TMEM144: variants seen among roughly 807,000 people sequenced by gnomAD.
TMEM144 encodes transmembrane protein 144.
Under a neutral mutation model 43.6 loss-of-function variants are expected in TMEM144, and 39 were observed. That is an observed-to-expected ratio of 0.90 (90% confidence interval 0.69 to 1.17). The LOEUF is 1.17. Among genes scored for constraint, TMEM144 ranks in the 50% most tolerant of loss-of-function variants. The pLI is 0.00. For missense variants in TMEM144, 417 were observed against 411.9 expected, an observed-to-expected ratio of 1.01 and a Z score of -0.11; for synonymous variants, 154 against 133.6, an observed-to-expected ratio of 1.15 and a Z score of -1.06.
intron 10 of TMEM144, 80 bp from the exon 11 acceptor site, chr4:158,241,429 T>G: frequency 9.6e-7 from 1 of 1,040,910 alleles, no homozygotes; most frequent in Non-Finnish European, 1.5e-6. Context: ...ATGTGCACTT[T>G]GATATTCCTG....
chr4:158,239,707 A>T (rs1293505830), intron 9 of TMEM144, among the ~76,000 whole-genome samples: 2 of 152,206 alleles, frequency 1.3e-5, no homozygotes, highest in African/African-American at 2.4e-5. Context: ...AGGTATTAAC[A>T]TCATAGTTAC....
In TMEM144 at chr4:158,253,484, T is replaced by A; in HGVS notation, c.995T>A (p.Ile332Asn). The change falls in exon 13 of 13, where the codon ATC (isoleucine) becomes AAC (asparagine). Residue 332 changes from isoleucine (I) to asparagine (N), a missense_variant. Physicochemically the swap from Ile to Asn is moderately radical, Grantham distance 149 (BLOSUM62 -3). Coordinates refer to ENST00000296529, the MANE Select transcript of TMEM144 (RefSeq NM_018342.5). ...CTATTAATGATACTTGCATTTTGCA[T>A]CATCTTGACTGGAGCCTTATGCACT... ...NYLLMILAFCIILTGALCTAF... is the reference protein window; with the variant it reads ...NYLLMILAFCNILTGALCTAF... The A allele has an allele frequency of 6.2e-7, 1 of 1,613,902 alleles. No individual in the cohort carries two copies.
At chr4:158,249,887 G>GGTGTATGTGTGTGTGTGTGTGT (rs1736097773) in intron 12 of TMEM144, among the ~76,000 whole-genome samples, 1 of 134,464 alleles carries the variant, frequency 7.4e-6, no homozygotes, top group Non-Finnish European at 1.6e-5. Context: ...CCTACTGCCA[G>GGTGTATGTGTGTGTGTGTGTGT]GTGTGTGTGT....
chr4:158,211,874 A>G (rs1733976250), intron 2 of TMEM144: 1 of 152,254 alleles, frequency 6.6e-6, no homozygotes, highest in African/African-American at 2.4e-5. Flanking sequence ...TGTATATTTA[A>G]TATTCTCTGC....
chr4:158,238,888 G>C (rs1219902594), intron 9 of TMEM144, among the ~76,000 whole-genome samples: 2 of 152,144 alleles, frequency 1.3e-5, no homozygotes, highest in African/African-American at 4.8e-5. Context: ...AACTCTGAAT[G>C]TAATGTGATG....
At chr4:158,217,057 T>A (rs1734257867) in intron 4 of TMEM144, among the ~76,000 whole-genome samples, 1 of 152,152 alleles carries the variant, frequency 6.6e-6, no homozygotes, top group Non-Finnish European at 1.5e-5. Context: ...AGAGCTATGC[T>A]AAGGGAGAGA....
chr4:158,241,453 T>C, intron 10 of TMEM144, 56 bp from the exon 11 acceptor site: 1 of 1,308,898 alleles, frequency 7.6e-7, no homozygotes, highest in Non-Finnish European at 1.1e-6. Context: ...TAGCTCAGTG[T>C]GAGTTCTTCA....
intron 9 of TMEM144, among the ~76,000 whole-genome samples, chr4:158,238,463 T>A (rs1337890968): frequency 6.6e-6 from 1 of 152,192 alleles, no homozygotes; most frequent in Admixed American, 6.5e-5. Flanking sequence ...CCATGTATAT[T>A]ACTCAAACCT....
Position 158,240,421 on chromosome 4 carries a change from A to G in TMEM144, c.802+3A>G. 6.2e-7 allele frequency: 1 copy of G among 1,603,792 alleles called. No individual in the cohort carries two copies. Among genetic ancestry groups the G allele is most frequent in the Non-Finnish European group, 8.5e-7 (1 of 1,176,704 alleles). ...ATATCCTGAAGCAGTCCTACCAGGTAAGAATATGTACTACAGATCTTCTTA... is the reference window on the plus strand; with the variant it reads ...ATATCCTGAAGCAGTCCTACCAGGTGAGAATATGTACTACAGATCTTCTTA... On this transcript the variant is annotated splice_donor_region_variant and intron_variant, in intron 10 of 12. Coordinates refer to ENST00000296529, the MANE Select transcript of TMEM144 (RefSeq NM_018342.5).
chr4:158,220,308 T>A (rs1313563941), intron 6 of TMEM144, among the ~76,000 whole-genome samples: 2 of 152,168 alleles, frequency 1.3e-5, no homozygotes, highest in Non-Finnish European at 2.9e-5. Context: ...TAGAGGCAAT[T>A]TTATGTATTT....
intron 6 of TMEM144, among the ~76,000 whole-genome samples, chr4:158,229,939 C>T (rs975380273): frequency 4.1e-5 from 5 of 121,986 alleles, no homozygotes. Flanking sequence ...GTAATGAGTC[C>T]CAGTGCTGGC....
chr4:158,241,502 A>G lies in TMEM144; in HGVS notation c.803-7A>G, dbSNP rs1356227175. ...GTCTGCAAATGTGTGTTGTCTTTGT[A>G]TTTCAGGATTCCTGTCAGGAGTACT... On this transcript the variant is annotated splice_polypyrimidine_tract_variant and splice_region_variant and intron_variant, in intron 10 of 12. Transcript: ENST00000296529. The G allele has an allele frequency of 1.9e-6, 3 of 1,611,582 alleles. No homozygotes were observed. Among genetic ancestry groups the G allele is most frequent in the Non-Finnish European group, 2.5e-6 (3 of 1,178,056 alleles).
At chr4:158,227,010 T>C (rs971611183) in intron 6 of TMEM144, among the ~76,000 whole-genome samples, 11 of 152,196 alleles carry the variant, frequency 7.2e-5, no homozygotes, top group Non-Finnish European at 1.3e-4. Flanking sequence ...GTTACACTGT[T>C]AACTTTTAGC....
intron 6 of TMEM144, 136 bp from the exon 7 acceptor site, chr4:158,232,765 G>A: frequency 1.6e-6 from 1 of 629,074 alleles, no homozygotes; most frequent in South Asian, 2.1e-5. Context: ...CAGGACCACT[G>A]AAGGGGCAAT....
At chr4:158,243,562 C>G (rs1452401566) in intron 11 of TMEM144, among the ~76,000 whole-genome samples, 1 of 152,188 alleles carries the variant, frequency 6.6e-6, no homozygotes, top group Non-Finnish European at 1.5e-5. Context: ...CAATTTTCTT[C>G]CTTCTCAGCT....
chr4:158,228,853 C>A (rs1001358970), intron 6 of TMEM144, among the ~76,000 whole-genome samples: 1 of 152,126 alleles, frequency 6.6e-6, no homozygotes, highest in African/African-American at 2.4e-5. Context: ...GTCTTAAGAG[C>A]CAAGCTCCCC....
At chr4:158,239,542 A>G (rs1735520447) in intron 9 of TMEM144, among the ~76,000 whole-genome samples, 1 of 152,234 alleles carries the variant, frequency 6.6e-6, no homozygotes, top group Non-Finnish European at 1.5e-5. Context: ...GTCATCTGCA[A>G]CAGAGATGCT....
At chr4:158,237,906 T>A (rs1464421212) in intron 9 of TMEM144, among the ~76,000 whole-genome samples, 1 of 152,192 alleles carries the variant, frequency 6.6e-6, no homozygotes, top group Non-Finnish European at 1.5e-5. Flanking sequence ...TCCAGTAAGA[T>A]TTGGAAATTA....
intron 5 of TMEM144, among the ~76,000 whole-genome samples, chr4:158,218,574 T>G (rs1234469097): frequency 6.8e-6 from 1 of 146,920 alleles, no homozygotes; most frequent in Non-Finnish European, 1.5e-5. Context: ...TTGGTAATGA[T>G]CACGGCAATG....
Sources: allele counts gnomAD v4.1 joint callset (sites outside exome capture counted in the v4.1 genomes callset), GRCh38; gene constraint gnomAD v4.1.1; transcripts MANE v1.5; gene names NCBI Gene and HGNC (gene_info 2026-07-23, HGNC 2026-07-21).